DRC1: variants seen among roughly 807,000 people sequenced by gnomAD.
DRC1 encodes the protein dynein regulatory complex subunit 1.
DRC1 carries 74 observed loss-of-function variants against 98.7 expected under a neutral mutation model. That is an observed-to-expected ratio of 0.75 (90% CI 0.62 to 0.91). The LOEUF (loss-of-function observed/expected upper bound fraction) is 0.91, where lower values mean the gene tolerates loss of function less well. DRC1 is among the 40% of genes least tolerant of loss of function. The pLI is 0.00. For synonymous variants in DRC1, 336 were observed against 334.1 expected (o/e 1.01, Z -0.06); for missense variants, 875 against 886.0 (o/e 0.99, Z 0.16).
intron 1 of DRC1, among the ~76,000 whole-genome samples, chr2:26,411,728 C>T (rs989546175): frequency 1.3e-5 from 2 of 151,518 alleles, no homozygotes; most frequent in South Asian, 2.1e-4. Context: ...ACCTGGGTGG[C>T]GGAGGTTGCA....
At chr2:26,448,404 T>G in intron 10 of DRC1, 1 of 568,806 alleles carries the variant, frequency 1.8e-6, no homozygotes, top group East Asian at 4.4e-5. Context: ...CATGGCTGGA[T>G]TTTGAGTATG....
rs1429985712 is a variant in DRC1 at position 26,449,992 on chromosome 2, C to G, written c.1510-4C>G. 12 of 1,613,592 alleles carry G rather than the reference C, an allele frequency of 7.4e-6. No individual in the cohort carries two copies. Among genetic ancestry groups the G allele is most frequent in the Non-Finnish European group, 1.0e-5 (12 of 1,179,846 alleles). ...ACAGGAGATGCCTTCTTCCTTCTCC[C>G]CAGGGGTTCCTCATAGAGAGCAAGC... On this transcript the variant is annotated splice_region_variant and splice_polypyrimidine_tract_variant and intron_variant, in intron 11 of 16. Coordinates refer to ENST00000288710, the MANE Select transcript of DRC1 (RefSeq NM_145038.5).
intron 2 of DRC1, among the ~76,000 whole-genome samples, chr2:26,416,395 C>T (rs552653695): frequency 1.4e-4 from 21 of 152,272 alleles, no homozygotes; most frequent in African/African-American, 5.1e-4. Context: ...CTGCCTCAGC[C>T]TCCCAAAGTG....
intron 7 of DRC1, among the ~76,000 whole-genome samples, chr2:26,434,840 G>A (rs554273407): frequency 6.7e-6 from 1 of 149,498 alleles, no homozygotes; most frequent in African/African-American, 2.5e-5. Flanking sequence ...GCAGTCAGCC[G>A]AGATTTCACC....
intron 4 of DRC1, 87 bp from the exon 5 acceptor site, chr2:26,429,541 T>G: frequency 6.6e-7 from 1 of 1,521,886 alleles, no homozygotes; most frequent in Non-Finnish European, 8.9e-7. Context: ...CATTGACAGA[T>G]TCTGGTGAGA....
Position 26,439,922 on chromosome 2 carries a change from A to AAT in DRC1, c.889-442_889-441dup, listed in dbSNP as rs60317791. Among the ~76,000 whole-genome samples, 31 of 43,436 alleles carry AAT rather than the reference A, an allele frequency of 7.1e-4. 6 individuals carry two copies. Among genetic ancestry groups the AAT allele is most frequent in the East Asian group, 2.9e-3 (10 of 3,426 alleles). 28.5% of individuals were successfully genotyped at this position (43,436 alleles called of 152,430 possible). On this transcript the variant is annotated intron_variant, in intron 7 of 16. Coordinates refer to ENST00000288710, the MANE Select transcript of DRC1 (RefSeq NM_145038.5). The stretch of plus-strand genomic sequence containing the variant: ...ACAAGCTAGGGCCAACTAGTGTGTG[A>AAT]ATATATATATATATACACACACACA...
chr2:26,436,688 G>A (rs1283928996), intron 7 of DRC1, among the ~76,000 whole-genome samples: 2 of 152,152 alleles, frequency 1.3e-5, no homozygotes, highest in Non-Finnish European at 2.9e-5. Flanking sequence ...GGTAGAGCTT[G>A]CATTTATAGT....
chr2:26,438,724 G>A (rs1382854921), intron 7 of DRC1, among the ~76,000 whole-genome samples: 5 of 152,164 alleles, frequency 3.3e-5, no homozygotes, highest in East Asian at 1.9e-4. Context: ...GGCCCTCCTC[G>A]AGTATGACCC....
In DRC1 at chr2:26,450,687, G is replaced by A. The variant is rs1188126904; in HGVS notation, c.1689+6G>A. The A allele has an allele frequency of 5.1e-6, 8 of 1,583,934 alleles. No homozygotes were observed. In the South Asian group the frequency reaches 7.9e-5, roughly 16 times the overall value. On this transcript the variant is annotated splice_donor_region_variant and intron_variant, in intron 13 of 16. Transcript: ENST00000288710. ...GTTTATCTTCCAGCCTCCAGGTAAG[G>A]CAAGGTGCAGAGAGAAGAAAGCATT...
intron 1 of DRC1, 67 bp downstream of exon 1, chr2:26,402,211 G>A: frequency 1.4e-6 from 2 of 1,479,524 alleles, no homozygotes; most frequent in Non-Finnish European, 1.8e-6. Flanking sequence ...GTTTCCTGAT[G>A]AAATAGAAAC....
At chr2:26,423,599 A>G (rs1379082222) in intron 3 of DRC1, among the ~76,000 whole-genome samples, 3 of 152,166 alleles carry the variant, frequency 2.0e-5, no homozygotes, top group Non-Finnish European at 4.4e-5. Flanking sequence ...TCCATCACTC[A>G]TTGGTGGAGT....
chr2:26,410,556 G>C (rs1312338169), intron 1 of DRC1, among the ~76,000 whole-genome samples: 1 of 152,130 alleles, frequency 6.6e-6, no homozygotes, highest in Non-Finnish European at 1.5e-5. Context: ...ACAGGCATGA[G>C]CCACTGCACC....
intron 10 of DRC1, among the ~76,000 whole-genome samples, chr2:26,447,470 A>G (rs1340478144): frequency 6.6e-6 from 1 of 152,230 alleles, no homozygotes; most frequent in East Asian, 1.9e-4. Context: ...GTGTGGTTAT[A>G]TCACCAGCTT....
rs1663689061 is a variant in DRC1 at position 26,440,425 on chromosome 2, C to T, written c.936C>T (p.Asn312=). Residue 312 remains asparagine, a synonymous_variant, in exon 8 of 17, where the codon AAC becomes AAT. Coordinates refer to ENST00000288710, the MANE Select transcript of DRC1 (RefSeq NM_145038.5). The stretch of plus-strand genomic sequence containing the variant: ...AGAGGAAAGCAATTTATCAGCTAAA[C>T]CAAGAGAAATTAGAGTACAACTTGC... The part of the protein sequence containing the change: ...LQQRKAIYQL[N]QEKLEYNLQV... The T allele has an allele frequency of 1.2e-6, 2 of 1,610,768 alleles. No individual in the cohort carries two copies. Among genetic ancestry groups the T allele is most frequent in the African/African-American group, 1.3e-5 (1 of 74,474 alleles).
chr2:26,403,616 G>A (rs905325411), intron 1 of DRC1, among the ~76,000 whole-genome samples: 2 of 152,074 alleles, frequency 1.3e-5, no homozygotes, highest in African/African-American at 4.8e-5. Flanking sequence ...CCAACATGGC[G>A]AAACCCTGTC....
Position 26,421,557 on chromosome 2 carries a change from C to CTT in DRC1, c.356+176_356+177dup, listed in dbSNP as rs397873833. 8.7e-3 allele frequency among the ~76,000 whole-genome samples: 1,043 copies of CTT among 120,072 alleles called. 18 individuals are homozygous for CTT. The highest frequency in any genetic ancestry group is 0.019 in the Middle Eastern group (4 of 208). 78.8% of individuals were successfully genotyped at this position (120,072 alleles called of 152,430 possible). A position where few individuals can be genotyped will look rare whatever the true frequency, so the allele number is the denominator to read the frequency against. On this transcript the variant is annotated intron_variant, in intron 3 of 16. Transcript: ENST00000288710. ...TCCCTCCCTCCTCTTCTTTCTCTCTCTTTTTTTTTTTTTTTTTTTTGAGAC... is the reference window on the plus strand; with the variant it reads ...TCCCTCCCTCCTCTTCTTTCTCTCTCTTTTTTTTTTTTTTTTTTTTTTGAGAC...
At chr2:26,418,806 A>G (rs1214205713) in intron 2 of DRC1, among the ~76,000 whole-genome samples, 3 of 133,450 alleles carry the variant, frequency 2.2e-5, no homozygotes, top group Non-Finnish European at 4.6e-5. Flanking sequence ...ATACATTATA[A>G]TATATTGTAT....
intron 12 of DRC1, 47 bp downstream of exon 12, chr2:26,450,132 C>T (rs1016346516): frequency 2.0e-5 from 31 of 1,566,234 alleles, no homozygotes; most frequent in East Asian, 2.3e-5. Context: ...TGCAGCCGGC[C>T]GTGTTCTCAG....
Position 26,423,078 on chromosome 2 carries a change from C to T in DRC1, c.357-1193C>T, listed in dbSNP as rs535910327. ...AGTAAACGTGGGTGACTTTTATTCT[C>T]GAAACTTCCCACTGCCTGTATGGGC... On this transcript the variant is annotated intron_variant, in intron 3 of 16. Transcript: ENST00000288710. Among the ~76,000 whole-genome samples the T allele has an allele frequency of 1.8e-4, 27 of 152,180 alleles. No individual in the cohort carries two copies. In the South Asian group the frequency reaches 2.1e-3, roughly 12 times the overall value.
Sources: allele counts gnomAD v4.1 joint callset (sites outside exome capture counted in the v4.1 genomes callset), GRCh38; gene constraint gnomAD v4.1.1; transcripts MANE v1.5; gene names NCBI Gene and HGNC (gene_info 2026-07-23, HGNC 2026-07-21).